The following MACF1 variants were observed in gnomAD, a reference collection of about 807,000 sequenced individuals.
The protein encoded by MACF1 is microtubule actin crosslinking factor 1.
In MACF1, 193 loss-of-function variants were observed where a neutral mutation model predicts 854.8. The observed-to-expected ratio is 0.23, with a 90% CI of 0.20 to 0.25. MACF1 has a LOEUF of 0.25. Among genes scored for constraint, MACF1 ranks in the 10% least tolerant of loss-of-function variants. The pLI, the probability that MACF1 is intolerant of heterozygous loss-of-function variation, is 1.00. For synonymous variants in MACF1, 3,185 were observed against 3,226.7 expected (o/e 0.99, Z 0.44); for missense variants, 7,722 against 8,929.1 (o/e 0.86, Z 5.45).
intron 2 of MACF1, among the ~76,000 whole-genome samples, chr1:39,167,428 C>T (rs948260405): frequency 1.3e-5 from 2 of 150,868 alleles, no homozygotes; most frequent in African/African-American, 2.4e-5. Flanking sequence ...AAAATTAGAC[C>T]GGGCGCGGTG....
At chr1:39,309,142 T>C (rs1646247768) in intron 23 of MACF1, among the ~76,000 whole-genome samples, 1 of 152,232 alleles carries the variant, frequency 6.6e-6, no homozygotes, top group Admixed American at 6.5e-5. Flanking sequence ...CTCTCTGGCT[T>C]GTAATCATCA....
intron 97 of MACF1, among the ~76,000 whole-genome samples, chr1:39,470,774 T>C (rs1319689781): frequency 2.6e-5 from 4 of 152,250 alleles, no homozygotes; most frequent in Admixed American, 1.3e-4. Context: ...AAAACAACTT[T>C]ATTCCTTTCC....
chr1:39,200,119 A>T (rs1365883257), upstream of MACF1, among the ~76,000 whole-genome samples: 1 of 152,088 alleles, frequency 6.6e-6, no homozygotes, highest in East Asian at 1.9e-4. Flanking sequence ...GTCACCAGTG[A>T]CCTCCAGAAT....
chr1:39,302,021 G>A (rs1266648364), intron 22 of MACF1, among the ~76,000 whole-genome samples: 1 of 140,492 alleles, frequency 7.1e-6, no homozygotes, highest in South Asian at 2.3e-4. Context: ...TTTGTGACAG[G>A]GTCTGACTCT....
intron 97 of MACF1, among the ~76,000 whole-genome samples, chr1:39,475,444 G>C (rs889043649): frequency 2.7e-5 from 4 of 148,432 alleles, no homozygotes; most frequent in African/African-American, 9.9e-5. Context: ...ACTCCAGCCT[G>C]GGTGACAAAG....
chr1:39,252,047 C>T (rs1645045755), intron 4 of MACF1, 106 bp downstream of exon 4: 1 of 636,460 alleles, frequency 1.6e-6, no homozygotes, highest in Non-Finnish European at 2.3e-6. Flanking sequence ...TTACTATTTG[C>T]CACCTTCTCA....
At chr1:39,232,765 T>TTTTTG (rs1571202426) in intron 2 of MACF1, among the ~76,000 whole-genome samples, 6 of 138,210 alleles carry the variant, frequency 4.3e-5, no homozygotes, top group East Asian at 2.1e-4. Flanking sequence ...TTTTTTTTTT[T>TTTTTG]TTTGTTTGTT....
intron 46 of MACF1, 124 bp downstream of exon 46, chr1:39,358,997 C>A: frequency 7.1e-7 from 1 of 1,412,598 alleles, no homozygotes; most frequent in Non-Finnish European, 9.6e-7. Flanking sequence ...TGGACAAGAT[C>A]TGAGTGCTAA....
At position 39,318,625 on chromosome 1, in the gene MACF1, G is replaced by A. The variant is rs754453484; in HGVS notation, c.3945+10G>A. The A allele has an allele frequency of 5.0e-6, 8 of 1,594,352 alleles. No homozygotes were observed. The highest frequency in any genetic ancestry group is 6.8e-6 in the Non-Finnish European group (8 of 1,171,506). On this transcript the variant is annotated intron_variant, in intron 30 of 100. Transcript: ENST00000564288. The stretch of plus-strand genomic sequence containing the variant: ...GCTCAGCCAGCAGACGGTGAGTGTG[G>A]TAGTAGCTCTGGCGAGAAGAGTTAG...
At chr1:39,480,178 TC>T in intron 98 of MACF1, 169 bp downstream of exon 98, 1 of 471,196 alleles carries the variant, frequency 2.1e-6, no homozygotes, top group Non-Finnish European at 3.9e-6. Flanking sequence ...ACTGCCCTGT[TC>T]CTAGCAGTAC....
chr1:39,242,367 A>G (rs1644934354), intron 2 of MACF1, among the ~76,000 whole-genome samples: 1 of 149,684 alleles, frequency 6.7e-6, no homozygotes, highest in Non-Finnish European at 1.5e-5. Flanking sequence ...AAAAAAAAGC[A>G]GACAGCAGAC....
At chr1:39,154,618 T>A (rs181838696) in intron 2 of MACF1, among the ~76,000 whole-genome samples, 57 of 152,264 alleles carry the variant, frequency 3.7e-4, no homozygotes, top group African/African-American at 1.2e-3. Context: ...TTGGTCTAGA[T>A]CTTTCTCCTC....
intron 23 of MACF1, among the ~76,000 whole-genome samples, chr1:39,308,557 G>A (rs1420621888): frequency 2.0e-5 from 3 of 152,072 alleles, no homozygotes; most frequent in African/African-American, 7.2e-5. Context: ...AAGAGAGTGT[G>A]TCTGTGTATT....
intron 2 of MACF1, among the ~76,000 whole-genome samples, chr1:39,092,584 A>C (rs1186555741): frequency 2.6e-5 from 4 of 152,174 alleles, no homozygotes; most frequent in Non-Finnish European, 5.9e-5. Context: ...GCAGTTATTC[A>C]AGTGCTGAGT....
intron 47 of MACF1, among the ~76,000 whole-genome samples, chr1:39,360,113 C>T (rs184525285): frequency 1.1e-3 from 140 of 129,716 alleles, no homozygotes; most frequent in East Asian, 9.1e-3. Context: ...ACATATATAT[C>T]GTATACTTGA....
At position 39,461,924 on chromosome 1, in the gene MACF1, A is replaced by G; in HGVS notation, c.21565A>G (p.Ile7189Val). Reference protein sequence around the residue: ...TKLEMTAVADIFDRDGDGYID... With the variant: ...TKLEMTAVADVFDRDGDGYID... ...GTTAGAGATGACTGCTGTGGCTGACATTTTCGACCGAGATGGGGATGGTTA... is the reference window on the plus strand; with the variant it reads ...GTTAGAGATGACTGCTGTGGCTGACGTTTTCGACCGAGATGGGGATGGTTA... The change falls in exon 93 of 101, where the codon ATT becomes GTT. Residue 7189 changes from isoleucine to valine, a missense_variant. By Grantham distance (29) the Ile-to-Val change is conservative. Coordinates refer to ENST00000564288, the MANE Select transcript of MACF1 (RefSeq NM_001394062.1). The G allele has an allele frequency of 6.2e-7, 1 of 1,613,688 alleles. No homozygotes were observed. Among genetic ancestry groups the G allele is most frequent in the Non-Finnish European group, 8.5e-7 (1 of 1,179,952 alleles).
At chr1:39,330,906 A>G (rs1646711400) in intron 36 of MACF1, among the ~76,000 whole-genome samples, 1 of 150,858 alleles carries the variant, frequency 6.6e-6, no homozygotes, top group East Asian at 1.9e-4. Context: ...GGTTCAAGCC[A>G]TTCTCCTGCT....
intron 2 of MACF1, among the ~76,000 whole-genome samples, chr1:39,086,484 G>C (rs367642320): frequency 6.6e-6 from 1 of 152,202 alleles, no homozygotes; most frequent in East Asian, 1.9e-4. Context: ...GGTGCAGGAA[G>C]GGGTTTACTT....
Position 39,412,666 on chromosome 1 carries a change from G to C in MACF1, c.15817-9708G>C, listed in dbSNP as rs747998996. 1.9e-6 allele frequency: 3 copies of C among 1,614,006 alleles called. No homozygotes were observed. The Admixed American group carries it at 5.0e-5, about 27-fold the overall frequency. On this transcript the variant is annotated intron_variant, in intron 58 of 100. Coordinates refer to ENST00000564288, the MANE Select transcript of MACF1 (RefSeq NM_001394062.1). ...AGAGGGAGGGGAGATGGAAAGGAGA[G>C]ATTCAGATTCATTCCTAAATATTTT...
Sources: allele counts gnomAD v4.1 joint callset (sites outside exome capture counted in the v4.1 genomes callset), GRCh38; gene constraint gnomAD v4.1.1; transcripts MANE v1.5; gene names NCBI Gene and HGNC (gene_info 2026-07-23, HGNC 2026-07-21).